The following SV2B variants were observed in gnomAD, a reference collection of about 807,000 sequenced individuals.
SV2B encodes synaptic vesicle glycoprotein 2B, also known as solute carrier family 22 member B2.
Under a neutral mutation model 73.9 loss-of-function variants are expected in SV2B, and 41 were observed. The ratio of observed to expected loss-of-function variants is 0.56; its 90% CI spans 0.43 to 0.72. The LOEUF (loss-of-function observed/expected upper bound fraction) is 0.72, where lower values mean the gene tolerates loss of function less well. Among genes scored for constraint, SV2B ranks in the 30% least tolerant of loss-of-function variants. SV2B has a pLI of 0.00. For synonymous variants in SV2B, 314 were observed against 314.2 expected (o/e 1.00, Z 0.01); for missense variants, 764 against 857.8 (o/e 0.89, Z 1.37).
chr15:91,238,431 A>C (rs962728250), intron 2 of SV2B, among the ~76,000 whole-genome samples: 4 of 152,252 alleles, frequency 2.6e-5, no homozygotes, highest in Non-Finnish European at 5.9e-5. Flanking sequence ...TCAAAAATCC[A>C]GTTATATCTG....
intron 11 of SV2B, among the ~76,000 whole-genome samples, chr15:91,285,909 G>A (rs1246954558): frequency 6.6e-6 from 1 of 152,160 alleles, no homozygotes; most frequent in Non-Finnish European, 1.5e-5. Flanking sequence ...GGGCAGGCGG[G>A]ACGGTGAGAC....
intron 1 of SV2B, among the ~76,000 whole-genome samples, chr15:91,218,956 T>A (rs539755683): frequency 3.7e-4 from 57 of 152,256 alleles, no homozygotes; most frequent in African/African-American, 9.6e-4. Flanking sequence ...TCTTTTTTTT[T>A]AATACATGGT....
chr15:91,218,377 C>G (rs145296082), intron 1 of SV2B, among the ~76,000 whole-genome samples: 1 of 152,116 alleles, frequency 6.6e-6, no homozygotes, highest in Non-Finnish European at 1.5e-5. Context: ...AGAGGAAAGT[C>G]AGAACACATT....
chr15:91,282,470 C>T (rs971336388), intron 10 of SV2B, among the ~76,000 whole-genome samples: 3 of 152,144 alleles, frequency 2.0e-5, no homozygotes, highest in African/African-American at 2.4e-5. Context: ...CAAGTGAAGT[C>T]GGGGTATAAG....
Position 91,289,338 on chromosome 15 carries a change from T to C in SV2B, c.1709-183T>C, listed in dbSNP as rs1477730694. 6.6e-6 allele frequency among the ~76,000 whole-genome samples: 1 copy of C among 152,208 alleles called. No homozygotes were observed. Among genetic ancestry groups the C allele is most frequent in the African/African-American group, 2.4e-5 (1 of 41,446 alleles). ...CCACGCAGAGGGCTCTAATGCCATG[T>C]CTGGGGTGCCTTGTGAGGATTCCAG... On this transcript the variant is annotated intron_variant, in intron 11 of 12. Transcript: ENST00000394232. The surrounding 1 kb of genome is among the most constrained non-coding windows in gnomAD (Gnocchi z 4.9).
intron 1 of SV2B, among the ~76,000 whole-genome samples, chr15:91,119,977 C>A (rs1008218425): frequency 6.6e-6 from 1 of 152,182 alleles, no homozygotes; most frequent in Non-Finnish European, 1.5e-5. Flanking sequence ...ATATTATTCT[C>A]CTTGTTACTC....
chr15:91,225,683 TCTC>T (rs1340989380), intron 1 of SV2B, among the ~76,000 whole-genome samples, 187 bp from the exon 2 acceptor site: 1 of 152,184 alleles, frequency 6.6e-6, no homozygotes, highest in African/African-American at 2.4e-5. Flanking sequence ...CACGGTTCCT[TCTC>T]CTTTAGCCTC....
Position 91,297,339 on chromosome 15 carries a change from T to C in SV2B, c.*4787T>C, listed in dbSNP as rs1596824842. 1.3e-5 allele frequency: 2 copies of C among 152,252 alleles called. No individual in the cohort carries two copies. Among genetic ancestry groups the C allele is most frequent in the Admixed American group, 6.5e-5 (1 of 15,284 alleles). The allele number at this position is 152,252 out of a possible 1,614,324, so 9.4% of individuals were successfully genotyped here. A position where few individuals can be genotyped will look rare whatever the true frequency, so the allele number is the denominator to read the frequency against. On this transcript the variant is annotated 3_prime_UTR_variant, in exon 13 of 13. Coordinates refer to ENST00000394232, the MANE Select transcript of SV2B (RefSeq NM_001323032.3). This position sits in a 1 kb window ranked among gnomAD's most constrained non-coding sequence, Gnocchi z 5.1. ...CTGCAGAGGAGGCAGGGAAATGCGG[T>C]ATTTACTGGGAACATTGCTGCCCCT...
chr15:91,248,102 A>G (rs2047317570), intron 2 of SV2B, among the ~76,000 whole-genome samples: 1 of 152,206 alleles, frequency 6.6e-6, no homozygotes, highest in Non-Finnish European at 1.5e-5. Flanking sequence ...TGGGCGGATC[A>G]CGAGGTCAGG....
At chr15:91,259,858 T>G (rs866704694) in intron 5 of SV2B, among the ~76,000 whole-genome samples, 4 of 152,174 alleles carry the variant, frequency 2.6e-5, no homozygotes, top group South Asian at 2.1e-4. Flanking sequence ...GTAATCTTAA[T>G]TTAGCTAATT....
intron 1 of SV2B, among the ~76,000 whole-genome samples, chr15:91,178,669 T>C (rs2044423295): frequency 6.6e-6 from 1 of 151,846 alleles, no homozygotes; most frequent in Admixed American, 6.6e-5. Context: ...AATTTTCTAG[T>C]TTATTTGCGT....
intron 1 of SV2B, among the ~76,000 whole-genome samples, chr15:91,218,545 AC>A (rs888557241): frequency 1.6e-4 from 24 of 152,136 alleles, no homozygotes; most frequent in African/African-American, 5.8e-4. Flanking sequence ...TCTCATTAGT[AC>A]CCGTCTGAGT....
chr15:91,172,416 C>T (rs1488486119), intron 1 of SV2B, among the ~76,000 whole-genome samples: 1 of 152,244 alleles, frequency 6.6e-6, no homozygotes, highest in Non-Finnish European at 1.5e-5. Context: ...ACAGAAGACA[C>T]AGCTCAGCCT....
In SV2B at chr15:91,175,374, C is replaced by T. The variant is rs192737122; in HGVS notation, c.-391-50499C>T. Among the ~76,000 whole-genome samples, 10 of 152,204 alleles carry T rather than the reference C, an allele frequency of 6.6e-5. No homozygotes were observed. The East Asian group carries it at 1.7e-3, about 26-fold the overall frequency. On this transcript the variant is annotated intron_variant, in intron 1 of 12. Coordinates refer to ENST00000394232, the MANE Select transcript of SV2B (RefSeq NM_001323032.3). ...GGTTCCAGTGATTCTCCTGCCTCAGCCTCCCGAGTAGCTGGGACTACAGGC... is the reference window on the plus strand; with the variant it reads ...GGTTCCAGTGATTCTCCTGCCTCAGTCTCCCGAGTAGCTGGGACTACAGGC...
At chr15:91,153,209 T>C (rs7498001) in intron 1 of SV2B, among the ~76,000 whole-genome samples, 67,637 of 152,106 alleles carry the variant, frequency 0.44, 16,068 homozygotes, top group East Asian at 0.72. Context: ...TTACTTCACC[T>C]CCACCTCTTA....
chr15:91,113,197 C>G (rs2042084343), intron 1 of SV2B, among the ~76,000 whole-genome samples: 1 of 152,180 alleles, frequency 6.6e-6, no homozygotes, highest in Admixed American at 6.5e-5. Flanking sequence ...GCTTCATTTC[C>G]TCGTCCTCCT....
In SV2B at chr15:91,136,999, G is replaced by A. The variant is rs75003252; in HGVS notation, c.-392+36636G>A. ...ATTTGATCCACGCAGAAGACAACCTGCAGGCAAAGCAAAAGCACTGGTATG... is the reference window on the plus strand; with the variant it reads ...ATTTGATCCACGCAGAAGACAACCTACAGGCAAAGCAAAAGCACTGGTATG... On this transcript the variant is annotated intron_variant, in intron 1 of 12. Transcript: ENST00000394232. This position sits in a 1 kb window ranked among gnomAD's most constrained non-coding sequence, Gnocchi z 5.6. Among the ~76,000 whole-genome samples the A allele has an allele frequency of 0.067, 10,244 of 152,094 alleles. 1,178 individuals carry two copies. The highest frequency in any genetic ancestry group is 0.23 in the African/African-American group (9,617 of 41,404).
chr15:91,101,457 A>G (rs1413003294), intron 1 of SV2B, among the ~76,000 whole-genome samples: 4 of 152,052 alleles, frequency 2.6e-5, no homozygotes, highest in African/African-American at 9.7e-5. Context: ...CAGAGATGGG[A>G]TTAGTCCTTG....
chr15:91,266,735 G>T (rs2048118250), intron 7 of SV2B, 43 bp downstream of exon 7: 2 of 1,492,062 alleles, frequency 1.3e-6, no homozygotes, highest in East Asian at 4.5e-5. Context: ...CGTCTCTATG[G>T]GAGTCTCTTA....
Sources: allele counts gnomAD v4.1 joint callset (sites outside exome capture counted in the v4.1 genomes callset), GRCh38; gene constraint gnomAD v4.1.1; non-coding constraint Gnocchi (gnomAD v3.1); transcripts MANE v1.5; gene names NCBI Gene and HGNC (gene_info 2026-07-23, HGNC 2026-07-21).